Variants in ADAM9 observed in about 807,000 individuals in gnomAD.
The protein encoded by ADAM9 is disintegrin and metalloproteinase domain-containing protein 9.
In ADAM9, 54 loss-of-function variants were observed where a neutral mutation model predicts 108.1. The observed-to-expected ratio is 0.50, with a 90% confidence interval of 0.40 to 0.63. The LOEUF (loss-of-function observed/expected upper bound fraction) is 0.63, where lower values mean the gene tolerates loss of function less well. Ranked by LOEUF, ADAM9 falls within the 20% of genes least tolerant of loss-of-function variation. The pLI, the probability that ADAM9 is intolerant of heterozygous loss-of-function variation, is 0.00. For synonymous variants in ADAM9, 316 were observed against 336.0 expected (o/e 0.94, Z 0.65); for missense variants, 830 against 997.7 (o/e 0.83, Z 2.26).
chr8:39,101,864 C>T lies in ADAM9; in HGVS notation c.2300C>T (p.Pro767Leu), dbSNP rs141863787. ...ACCTTATTTTTTTTTTCTTTTTAGCCTATATATGCAAACAGATTTGCAGTA... is the reference window on the plus strand; with the variant it reads ...ACCTTATTTTTTTTTTCTTTTTAGCTTATATATGCAAACAGATTTGCAGTA... ...VSPVTPPREV[P>L]IYANRFAVPT... The change falls in exon 21 of 22, where the codon CCT (proline) becomes CTT (leucine). Residue 767 changes from proline to leucine, a missense_variant and splice_region_variant. Transcript: ENST00000487273. 1.1e-4 allele frequency: 182 copies of T among 1,610,272 alleles called. 1 individual carries two copies. The highest frequency in any genetic ancestry group is 1.5e-4 in the Non-Finnish European group (180 of 1,177,790).
At position 39,045,364 on chromosome 8, in the gene ADAM9, G is replaced by A. The variant is rs1329213293; in HGVS notation, c.1302+3247G>A. ...TATACATGTGTGTACATACATATAG[G>A]TGTGTGTACATACACCTATAGGTGT... On this transcript the variant is annotated intron_variant, in intron 12 of 21. Coordinates refer to ENST00000487273, the MANE Select transcript of ADAM9 (RefSeq NM_003816.3). 1.3e-3 allele frequency among the ~76,000 whole-genome samples: 140 copies of A among 108,674 alleles called. 4 individuals are homozygous for A. Among genetic ancestry groups the A allele is most frequent in the East Asian group, 2.1e-3 (8 of 3,784 alleles). The allele number at this position is 108,674 out of a possible 152,430, so 71.3% of individuals were successfully genotyped here.
intron 14 of ADAM9, among the ~76,000 whole-genome samples, chr8:39,065,659 C>CAAAA (rs33990237): frequency 1.4e-4 from 10 of 72,866 alleles, no homozygotes; most frequent in Admixed American, 5.4e-4. Context: ...GGCTACATCT[C>CAAAA]AAAAAAAAAA....
chr8:39,087,945 T>A (rs1839227053), intron 18 of ADAM9, among the ~76,000 whole-genome samples: 1 of 152,170 alleles, frequency 6.6e-6, no homozygotes, highest in Non-Finnish European at 1.5e-5. Flanking sequence ...TACCATAGAT[T>A]TTGTCTGTTA....
rs933884943 is a variant in ADAM9, at chr8:39,105,147, T to C, written c.*1447T>C. ...TTTTGCCAAAGTGTGCACAATGGCTTTTTGTTAATAAAGAACAGATTAGTT... is the reference window on the plus strand; with the variant it reads ...TTTTGCCAAAGTGTGCACAATGGCTCTTTGTTAATAAAGAACAGATTAGTT... On this transcript the variant is annotated 3_prime_UTR_variant, in exon 22 of 22. Coordinates refer to ENST00000487273, the MANE Select transcript of ADAM9 (RefSeq NM_003816.3). The C allele has an allele frequency of 4.7e-6, 2 of 425,188 alleles. No homozygotes were observed. The highest frequency in any genetic ancestry group is 9.2e-6 in the Non-Finnish European group (2 of 218,078). The allele number at this position is 425,188 out of a possible 1,614,324, so 26.3% of individuals were successfully genotyped here. A position where few individuals can be genotyped will look rare whatever the true frequency, so the allele number is the denominator to read the frequency against.
At chr8:38,998,160 A>G (rs1359885478) in intron 1 of ADAM9, among the ~76,000 whole-genome samples, 1 of 152,278 alleles carries the variant, frequency 6.6e-6, no homozygotes, top group African/African-American at 2.4e-5. Context: ...ATTTCAACGC[A>G]GGACTGTTGA....
At chr8:39,005,400 A>G (rs1228890439) in intron 1 of ADAM9, among the ~76,000 whole-genome samples, 1 of 152,242 alleles carries the variant, frequency 6.6e-6, no homozygotes, top group Non-Finnish European at 1.5e-5. Flanking sequence ...CTACACAAAG[A>G]TTACAATAGC....
At chr8:39,014,808 T>C (rs1165596315) in intron 4 of ADAM9, 2 of 391,764 alleles carry the variant, frequency 5.1e-6, no homozygotes, top group Admixed American at 5.5e-5. Flanking sequence ...ATTCTTCAAA[T>C]AGGAGGCAAA....
At chr8:39,052,062 A>G (rs1327880869) in intron 12 of ADAM9, among the ~76,000 whole-genome samples, 18 of 152,180 alleles carry the variant, frequency 1.2e-4, no homozygotes, top group Admixed American at 1.2e-3. Flanking sequence ...TTTAACTTAT[A>G]TCAGAAGCTA....
chr8:39,036,866 A>T (rs1427240257), intron 11 of ADAM9, among the ~76,000 whole-genome samples: 2 of 142,686 alleles, frequency 1.4e-5, no homozygotes, highest in Admixed American at 7.0e-5. Flanking sequence ...ATGTGGGTGA[A>T]TTTTTTTTTT....
intron 21 of ADAM9, 80 bp downstream of exon 21, chr8:39,102,010 A>G: frequency 1.6e-6 from 2 of 1,221,044 alleles, no homozygotes; most frequent in Middle Eastern, 1.9e-4. Context: ...CTGTATTTTA[A>G]TGTAATTTAG....
chr8:39,040,832 G>T (rs562845091), intron 11 of ADAM9, among the ~76,000 whole-genome samples: 1 of 152,176 alleles, frequency 6.6e-6, no homozygotes, highest in Non-Finnish European at 1.5e-5. Context: ...AGGGCACCAG[G>T]AGGATACAAT....
chr8:39,054,489 A>T lies in ADAM9; in HGVS notation c.1311A>T (p.Glu437Asp), dbSNP rs1332662070. The T allele has an allele frequency of 6.2e-7, 1 of 1,611,208 alleles. No individual in the cohort carries two copies. The highest frequency in any genetic ancestry group is 1.7e-5 in the Admixed American group (1 of 59,878). Residue 437 changes from glutamate to aspartate, a missense_variant, in exon 13 of 22, where the codon GAA becomes GAT. By Grantham distance (45) the Glu-to-Asp change is conservative (BLOSUM62 2). Around this residue, in one of 3 missense-constraint regions of ADAM9, gnomAD observed 381 missense variants for 539.8 expected, o/e 0.71. Coordinates refer to ENST00000487273, the MANE Select transcript of ADAM9 (RefSeq NM_003816.3). ...TCATTTTATGTTCACAGGAATGTGA[A>T]TTGGACCCTTGCTGCGAAGGAAGTA... ...ECDCGTPKEC[E>D]LDPCCEGSTC... is the part of the protein sequence containing the mutation.
Position 39,103,653 on chromosome 8 carries a change from C to A in ADAM9, c.2413C>A (p.Pro805Thr). Residue 805 changes from proline to threonine, a missense_variant, in exon 22 of 22, where the codon CCT becomes ACT. Physicochemically the swap from Pro to Thr is conservative, Grantham distance 38. Transcript: ENST00000487273. Reference sequence around the variant, plus strand: ...AGTATCATCTCAGGGAAACTTAATTCCTGCCCGTCCTGCTCCTGCACCTCC... The same window carrying A: ...AGTATCATCTCAGGGAAACTTAATTACTGCCCGTCCTGCTCCTGCACCTCC... ...PKVSSQGNLIPARPAPAPPLY... is the reference protein window; with the variant it reads ...PKVSSQGNLITARPAPAPPLY... 6.2e-7 allele frequency: 1 copy of A among 1,614,124 alleles called. No homozygotes were observed. Among genetic ancestry groups the A allele is most frequent in the South Asian group, 1.1e-5 (1 of 91,082 alleles).
chr8:39,095,531 C>A (rs1839476560), intron 20 of ADAM9, among the ~76,000 whole-genome samples: 1 of 152,068 alleles, frequency 6.6e-6, no homozygotes, highest in Non-Finnish European at 1.5e-5. Flanking sequence ...TTTGTTAAGG[C>A]TTGTTTTGCA....
At chr8:39,054,743 G>A (rs546317710) in intron 13 of ADAM9, among the ~76,000 whole-genome samples, 170 bp downstream of exon 13, 13 of 151,802 alleles carry the variant, frequency 8.6e-5, no homozygotes, top group African/African-American at 2.4e-4. Context: ...ACTCTTTTAC[G>A]TTAAGTGGTC....
At chr8:39,037,441 AGTGTGT>A (rs748459761) in intron 11 of ADAM9, among the ~76,000 whole-genome samples, 7 of 140,756 alleles carry the variant, frequency 5.0e-5, no homozygotes, top group Admixed American at 1.4e-4. Context: ...TATATATTTA[AGTGTGT>A]GTGTGTGTGT....
chr8:39,104,826 T>C lies in ADAM9; in HGVS notation c.*1126T>C, dbSNP rs747928783. 2.5e-4 allele frequency: 115 copies of C among 453,604 alleles called. 1 individual carries two copies. The highest frequency in any genetic ancestry group is 2.0e-4 in the Non-Finnish European group (46 of 226,602). 28.1% of individuals were successfully genotyped at this position (453,604 alleles called of 1,614,324 possible). On this transcript the variant is annotated 3_prime_UTR_variant, in exon 22 of 22. Transcript: ENST00000487273. ...AAAAATGAATTTTTACTATGGCAGATATGGTATGGATCGTAAAATTTTAAG... is the reference window on the plus strand; with the variant it reads ...AAAAATGAATTTTTACTATGGCAGACATGGTATGGATCGTAAAATTTTAAG...
chr8:39,089,507 A>G (rs962691078), intron 18 of ADAM9, among the ~76,000 whole-genome samples: 3 of 152,224 alleles, frequency 2.0e-5, no homozygotes, highest in African/African-American at 7.2e-5. Flanking sequence ...GCTTTAGGGA[A>G]ATTATTCTGT....
chr8:39,035,455 T>C (rs1837239695), intron 11 of ADAM9, among the ~76,000 whole-genome samples: 1 of 152,212 alleles, frequency 6.6e-6, no homozygotes, highest in Non-Finnish European at 1.5e-5. Context: ...TTTTTTTCTT[T>C]CTTGTAGTGT....
Sources: gnomAD v4.1 joint callset for allele counts (sites outside exome capture counted in the v4.1 genomes callset) on GRCh38, gnomAD v4.1.1 for gene constraint, gnomAD v4.1.1 regional missense constraint, MANE v1.5 for transcripts, NCBI Gene and HGNC (gene_info 2026-07-23, HGNC 2026-07-21) for gene names.